Variants in MDFIC2 observed in about 807,000 individuals in gnomAD.
The protein encoded by MDFIC2 is myoD family inhibitor domain-containing protein 2.
chr3:70,306,886 A>G (rs1412407915), intron 2 of MDFIC2, among the ~76,000 whole-genome samples: 1 of 152,186 alleles, frequency 6.6e-6, no homozygotes, highest in Non-Finnish European at 1.5e-5. Context: ...GCTCATATGT[A>G]TAAATATGTA....
At chr3:70,250,425 A>T (rs997496409) in intron 2 of MDFIC2, among the ~76,000 whole-genome samples, 4 of 88,952 alleles carry the variant, frequency 4.5e-5, no homozygotes. Flanking sequence ...ACACACACAC[A>T]CACACACACA....
intron 2 of MDFIC2, among the ~76,000 whole-genome samples, chr3:70,214,435 A>C (rs1297554641): frequency 6.6e-6 from 1 of 152,100 alleles, no homozygotes; most frequent in African/African-American, 2.4e-5. Flanking sequence ...TTTTTTAAAA[A>C]GAGAGAAAAG....
intron 2 of MDFIC2, among the ~76,000 whole-genome samples, chr3:70,220,040 G>T (rs1559538086): frequency 6.6e-6 from 1 of 152,048 alleles, no homozygotes; most frequent in Non-Finnish European, 1.5e-5. Context: ...ATAAAGAAAA[G>T]ATTTTTCAAG....
intron 2 of MDFIC2, among the ~76,000 whole-genome samples, chr3:70,207,584 C>T (rs1467489352): frequency 6.6e-6 from 1 of 151,818 alleles, no homozygotes; most frequent in Non-Finnish European, 1.5e-5. Flanking sequence ...GTTTCACATC[C>T]CCAATACAAC....
intron 3 of MDFIC2, among the ~76,000 whole-genome samples, chr3:70,197,960 T>C (rs1161190936): frequency 3.9e-5 from 6 of 152,220 alleles, no homozygotes; most frequent in African/African-American, 9.6e-5. Flanking sequence ...TGGTAATTTC[T>C]AGCCAAACAG....
At chr3:70,247,514 G>A (rs981358856) in intron 2 of MDFIC2, among the ~76,000 whole-genome samples, 4 of 151,592 alleles carry the variant, frequency 2.6e-5, no homozygotes, top group African/African-American at 9.7e-5. Flanking sequence ...TTCTAGAGGA[G>A]TTTAAACATA....
At position 70,276,754 on chromosome 3, in the gene MDFIC2, C is replaced by T. The variant is rs1363642780; in HGVS notation, c.88+35132G>A. On this transcript the variant is annotated intron_variant, in intron 2 of 3. Transcript: ENST00000567252. ...TTTATGTATTATCTGTGTTTTCACACTATAATGGCAGAATTGAATAGTTGT... is the reference window on the plus strand; with the variant it reads ...TTTATGTATTATCTGTGTTTTCACATTATAATGGCAGAATTGAATAGTTGT... Among the ~76,000 whole-genome samples, 3 of 152,182 alleles carry T rather than the reference C, an allele frequency of 2.0e-5. No homozygotes were observed. In the East Asian group the frequency reaches 5.8e-4, roughly 29 times the overall value.
intron 2 of MDFIC2, among the ~76,000 whole-genome samples, chr3:70,269,826 G>A (rs376920614): frequency 5.7e-4 from 86 of 152,108 alleles, no homozygotes; most frequent in Admixed American, 4.7e-3. Flanking sequence ...ATCTCATTTC[G>A]AAAACAAAGG....
At chr3:70,283,478 C>A (rs1702109541) in intron 2 of MDFIC2, 1 of 152,066 alleles carries the variant, frequency 6.6e-6, no homozygotes, top group Non-Finnish European at 1.5e-5. Context: ...TTGAATCCCA[C>A]ATACAGCATC....
intron 2 of MDFIC2, among the ~76,000 whole-genome samples, chr3:70,286,292 C>T (rs1340851341): frequency 6.6e-6 from 1 of 152,114 alleles, no homozygotes; most frequent in Non-Finnish European, 1.5e-5. Flanking sequence ...GCCAGTTTTC[C>T]CAGCACCGTT....
chr3:70,251,074 T>A (rs907422134), intron 2 of MDFIC2, among the ~76,000 whole-genome samples: 1 of 152,208 alleles, frequency 6.6e-6, no homozygotes, highest in Non-Finnish European at 1.5e-5. Context: ...ATCGTATTCA[T>A]TAAACCAAAC....
At chr3:70,235,385 C>G (rs569715240) in intron 2 of MDFIC2, among the ~76,000 whole-genome samples, 3 of 152,316 alleles carry the variant, frequency 2.0e-5, no homozygotes, top group East Asian at 3.9e-4. Flanking sequence ...CCCACTCACT[C>G]CTTAATCCCT....
In MDFIC2 at chr3:70,310,059, A is replaced by G. The variant is rs1405637085; in HGVS notation, c.88+1827T>C. Among the ~76,000 whole-genome samples the G allele has an allele frequency of 2.0e-5, 3 of 152,252 alleles. No individual in the cohort carries two copies. The East Asian group carries it at 5.8e-4, about 29-fold the overall frequency. ...GGTGGTGAAGAACATCTCTATCTTC[A>G]TGGATTTGAGATTCATAAGAAAAAC... On this transcript the variant is annotated intron_variant, in intron 2 of 3. Coordinates refer to ENST00000567252, the MANE Select transcript of MDFIC2 (RefSeq NM_001364677.1).
chr3:70,210,354 C>G (rs1246003608), intron 2 of MDFIC2, among the ~76,000 whole-genome samples: 1 of 152,032 alleles, frequency 6.6e-6, no homozygotes, highest in Non-Finnish European at 1.5e-5. Context: ...TCTCATTCCT[C>G]AGTGGGAACT....
At chr3:70,211,816 T>C in intron 2 of MDFIC2, among the ~76,000 whole-genome samples, 1 of 148,778 alleles carries the variant, frequency 6.7e-6, no homozygotes, top group Non-Finnish European at 1.5e-5. Context: ...ACCCTTCCCT[T>C]CCCTTCCCTT....
intron 3 of MDFIC2, among the ~76,000 whole-genome samples, chr3:70,198,384 G>C (rs192249573): frequency 6.6e-6 from 1 of 151,998 alleles, no homozygotes; most frequent in African/African-American, 2.4e-5. Flanking sequence ...TCTTATCGCC[G>C]TATTCATTTA....
At chr3:70,211,996 T>A (rs1701356154) in intron 2 of MDFIC2, among the ~76,000 whole-genome samples, 1 of 151,882 alleles carries the variant, frequency 6.6e-6, no homozygotes. Flanking sequence ...TCCAGCTCCT[T>A]CCATGTATTT....
rs1262943401 is a variant in MDFIC2 at position 70,195,639 on chromosome 3, C to T, written c.*1287G>A. Among the ~76,000 whole-genome samples the T allele has an allele frequency of 6.6e-6, 1 of 152,174 alleles. No individual in the cohort carries two copies. The highest frequency in any genetic ancestry group is 1.5e-5 in the Non-Finnish European group (1 of 68,036). On this transcript the variant is annotated 3_prime_UTR_variant, in exon 4 of 4. Coordinates refer to ENST00000567252, the MANE Select transcript of MDFIC2 (RefSeq NM_001364677.1). Reference sequence around the variant, plus strand: ...CCTAAATTACACACAAAAAAATTCCCTCAATTCTCCATTTCACTTTTGTGT... The same window carrying T: ...CCTAAATTACACACAAAAAAATTCCTTCAATTCTCCATTTCACTTTTGTGT...
chr3:70,305,722 T>C (rs537713048), intron 2 of MDFIC2, among the ~76,000 whole-genome samples: 11 of 152,310 alleles, frequency 7.2e-5, no homozygotes, highest in African/African-American at 2.6e-4. Context: ...TTTGAGGAAA[T>C]GAAGTAAGTT....
Sources: allele counts gnomAD v4.1 joint callset (sites outside exome capture counted in the v4.1 genomes callset), GRCh38; gene constraint gnomAD v4.1.1; transcripts MANE v1.5; gene names NCBI Gene and HGNC (gene_info 2026-07-23, HGNC 2026-07-21).